Variants in SGF29 observed in about 807,000 individuals in gnomAD.
The protein encoded by SGF29 is SAGA complex associated factor 29.
Under a neutral mutation model 38.1 loss-of-function variants are expected in SGF29, and 15 were observed. That is an observed-to-expected ratio of 0.39 (90% CI 0.26 to 0.61). The LOEUF (loss-of-function observed/expected upper bound fraction) is 0.61. SGF29 is among the 20% of genes least tolerant of loss of function. SGF29 has a pLI of 0.49. For synonymous variants in SGF29, 151 were observed against 160.8 expected, an observed-to-expected ratio of 0.94 and a Z score of 0.46; for missense variants, 184 against 394.6, an observed-to-expected ratio of 0.47 and a Z score of 4.52.
Position 28,590,283 on chromosome 16 carries a change from G to T in SGF29, c.420-13G>T. 6.2e-7 allele frequency: 1 copy of T among 1,608,458 alleles called. No individual in the cohort carries two copies. The highest frequency in any genetic ancestry group is 8.5e-7 in the Non-Finnish European group (1 of 1,177,680). ...GCCCAGGGGCTGGGACTGACCCTTT[G>T]TTCCACTCACAGGCCCCCACCCCTC... On this transcript the variant is annotated splice_polypyrimidine_tract_variant and intron_variant, in intron 6 of 9. Transcript: ENST00000317058. The surrounding 1 kb of genome is among the most constrained non-coding windows in gnomAD (Gnocchi z 8.2).
At position 28,590,092 on chromosome 16, in the gene SGF29, A is replaced by G. The variant is rs1220082202; in HGVS notation, c.290-4A>G. 2 of 1,609,534 alleles carry G rather than the reference A, an allele frequency of 1.2e-6. No homozygotes were observed. The highest frequency in any genetic ancestry group is 1.7e-6 in the Non-Finnish European group (2 of 1,178,484). On this transcript the variant is annotated splice_region_variant and splice_polypyrimidine_tract_variant and intron_variant, in intron 5 of 9. Transcript: ENST00000317058. The surrounding 1 kb of genome is among the most constrained non-coding windows in gnomAD (Gnocchi z 8.2). ...GGGCCTCAGGCCTCCCTTCCTTCCC[A>G]CAGCGGCCAAGATTGCCGGTCTCTA... is the stretch of plus-strand genomic sequence containing the variant.
At chr16:28,573,538 G>A (rs1332863149) in intron 1 of SGF29, among the ~76,000 whole-genome samples, 1 of 152,174 alleles carries the variant, frequency 6.6e-6, no homozygotes, top group Admixed American at 6.5e-5. Flanking sequence ...AGAGGTGGGG[G>A]CCTCTAAAGG....
At chr16:28,569,922 C>T (rs1017701173) in intron 1 of SGF29, among the ~76,000 whole-genome samples, 4 of 152,144 alleles carry the variant, frequency 2.6e-5, no homozygotes, top group African/African-American at 9.6e-5. Flanking sequence ...ATCCACATGG[C>T]GCTGTCTTTG....
chr16:28,565,158 G>A (rs2046828766), intron 1 of SGF29, among the ~76,000 whole-genome samples: 1 of 152,120 alleles, frequency 6.6e-6, no homozygotes, highest in African/African-American at 2.4e-5. Flanking sequence ...CGCCTGCTTT[G>A]TGCCAGCCAT....
chr16:28,584,788 CAAAAAAAAAAA>C (rs377573618), intron 2 of SGF29, 114 bp from the exon 3 acceptor site: 6 of 418,032 alleles, frequency 1.4e-5, no homozygotes, highest in Non-Finnish European at 2.4e-5. Context: ...GACTCCATCT[CAAAAAAAAAAA>C]AAAAAAAAGA....
At chr16:28,579,298 G>A (rs930946367) in intron 1 of SGF29, among the ~76,000 whole-genome samples, 16 of 133,694 alleles carry the variant, frequency 1.2e-4, no homozygotes, top group African/African-American at 3.4e-4. Context: ...TCACTCTGTC[G>A]CCAGGCTGGA....
At chr16:28,564,736 T>C (rs1015778693) in intron 1 of SGF29, among the ~76,000 whole-genome samples, 188 of 11,768 alleles carry the variant, frequency 0.016, 2 homozygotes, top group African/African-American at 0.034. Context: ...TACATATATA[T>C]GTATATATGT....
chr16:28,581,086 C>T lies in SGF29; in HGVS notation c.17C>T (p.Ala6Val), dbSNP rs762637300. The change falls in exon 2 of 10, where the codon GCC (alanine) becomes GTC (valine). Residue 6 changes from alanine (A) to valine (V), a missense_variant. By Grantham distance (64) the Ala-to-Val change is moderately conservative. Around this residue, in one of 2 missense-constraint regions of SGF29, gnomAD observed 77 missense variants for 117.7 expected, o/e 0.65. Coordinates refer to ENST00000317058, the MANE Select transcript of SGF29 (RefSeq NM_138414.3). MALVS[A>V]DSRIAELLTE... Reference sequence around the variant, plus strand: ...CTGTAGACAATGGCCCTCGTGTCTGCCGATTCCCGCATTGCAGAACTTCTC... The same window carrying T: ...CTGTAGACAATGGCCCTCGTGTCTGTCGATTCCCGCATTGCAGAACTTCTC... 10 of 1,613,950 alleles carry T rather than the reference C, an allele frequency of 6.2e-6. No homozygotes were observed. Among genetic ancestry groups the T allele is most frequent in the Admixed American group, 3.3e-5 (2 of 59,974 alleles).
Position 28,564,688 on chromosome 16 carries a change from T to TATATATATAC in SGF29, c.-16+10599_-16+10600insACATATATAT, listed in dbSNP as rs1567285890. On this transcript the variant is annotated intron_variant, in intron 1 of 9. Coordinates refer to ENST00000317058, the MANE Select transcript of SGF29 (RefSeq NM_138414.3). ...ATGCATATATATGTATATATATGTG[T>TATATATATAC]ATATATATGTATATATATACATATA... 1.9e-3 allele frequency among the ~76,000 whole-genome samples: 141 copies of TATATATATAC among 75,414 alleles called. 4 individuals are homozygous for TATATATATAC. Among genetic ancestry groups the TATATATATAC allele is most frequent in the African/African-American group, 7.0e-3 (121 of 17,400 alleles). 49.5% of individuals were successfully genotyped at this position (75,414 alleles called of 152,430 possible).
At chr16:28,574,529 C>T (rs2046882664) in intron 1 of SGF29, among the ~76,000 whole-genome samples, 1 of 152,152 alleles carries the variant, frequency 6.6e-6, no homozygotes, top group Non-Finnish European at 1.5e-5. Flanking sequence ...AAGTGTGGAC[C>T]GTCAGGAAAT....
At chr16:28,565,149 G>A (rs903120713) in intron 1 of SGF29, among the ~76,000 whole-genome samples, 1 of 152,098 alleles carries the variant, frequency 6.6e-6, no homozygotes, top group Non-Finnish European at 1.5e-5. Context: ...CCCTTCTTCC[G>A]CCTGCTTTGT....
At chr16:28,573,801 T>C (rs1207961546) in intron 1 of SGF29, among the ~76,000 whole-genome samples, 4 of 152,052 alleles carry the variant, frequency 2.6e-5, no homozygotes, top group Non-Finnish European at 4.4e-5. Context: ...TATCAGCTAA[T>C]AGGACCCAGG....
intron 1 of SGF29, among the ~76,000 whole-genome samples, chr16:28,571,357 G>A (rs553103021): frequency 5.7e-4 from 87 of 152,216 alleles, no homozygotes; most frequent in African/African-American, 2.0e-3. Context: ...ACATTGGGAA[G>A]CCGAGGCAGG....
intron 4 of SGF29, among the ~76,000 whole-genome samples, chr16:28,588,263 G>T (rs972765480): frequency 3.3e-5 from 5 of 152,188 alleles, no homozygotes; most frequent in Admixed American, 1.3e-4. Context: ...TCAAGGCCAT[G>T]CAGGGGTCTG....
In SGF29 at chr16:28,569,233, G is replaced by T. The variant is rs568317344; in HGVS notation, c.-15-11822G>T. On this transcript the variant is annotated intron_variant, in intron 1 of 9. Transcript: ENST00000317058. ...AAGTCACTGAACAAAGTGGTGAGGG[G>T]GTGGCATGGCTTCTCTTGACGGCTT... Among the ~76,000 whole-genome samples the T allele has an allele frequency of 2.8e-4, 42 of 152,302 alleles. 1 individual carries two copies. The highest frequency in any genetic ancestry group is 1.8e-3 in the Admixed American group (27 of 15,284).
chr16:28,564,539 GTATATATATACGTA>G (rs1555474736), intron 1 of SGF29, among the ~76,000 whole-genome samples: 21 of 89,036 alleles, frequency 2.4e-4, no homozygotes, highest in East Asian at 5.7e-4. Flanking sequence ...ATATATATAT[GTATATATATACGTA>G]TATATATATA....
intron 1 of SGF29, among the ~76,000 whole-genome samples, chr16:28,558,609 G>T (rs2046767536): frequency 6.6e-6 from 1 of 152,204 alleles, no homozygotes; most frequent in Non-Finnish European, 1.5e-5. Flanking sequence ...AAAAGCCCAT[G>T]ATGGAAAGAA....
intron 1 of SGF29, among the ~76,000 whole-genome samples, chr16:28,564,451 T>G (rs1281102957): frequency 6.7e-6 from 1 of 148,522 alleles, no homozygotes; most frequent in Non-Finnish European, 1.5e-5. Flanking sequence ...TTAGAGACAC[T>G]GGGGAGCGTG....
chr16:28,564,633 ACG>A (rs2046816925), intron 1 of SGF29, among the ~76,000 whole-genome samples: 1 of 125,086 alleles, frequency 8.0e-6, no homozygotes, highest in South Asian at 2.3e-4. Flanking sequence ...GCATATATAT[ACG>A]TATATATGTG....
Sources: allele counts gnomAD v4.1 joint callset (sites outside exome capture counted in the v4.1 genomes callset), GRCh38; gene constraint gnomAD v4.1.1; regional missense constraint gnomAD v4.1.1; non-coding constraint Gnocchi (gnomAD v3.1); transcripts MANE v1.5; gene names NCBI Gene and HGNC (gene_info 2026-07-23, HGNC 2026-07-21).